DIS3L: variants seen among roughly 807,000 people sequenced by gnomAD.
DIS3L encodes DIS3 like exosome 3'-5' exoribonuclease.
Under a neutral mutation model 120.3 loss-of-function variants are expected in DIS3L, and 100 were observed. The ratio of observed to expected loss-of-function variants is 0.83; its 90% CI spans 0.71 to 0.98. The LOEUF (loss-of-function observed/expected upper bound fraction) is 0.98. Ranked by LOEUF, DIS3L falls within the 50% of genes least tolerant of loss-of-function variation. The pLI is 0.00. For synonymous variants in DIS3L, 426 were observed against 470.6 expected (o/e 0.91, Z 1.23); for missense variants, 1,196 against 1,314.2 (o/e 0.91, Z 1.39).
rs773408320 is a variant in DIS3L, at chr15:66,328,986, G to T, written c.2218G>T (p.Ala740Ser). Reference protein sequence around the residue: ...FIDTRSNKTLADSLDNANDPH... With the variant: ...FIDTRSNKTLSDSLDNANDPH... The stretch of plus-strand genomic sequence containing the variant: ...CTTTGTCAGGTCCAATAAAACACTG[G>T]CTGATTCTCTGGATAATGCGAACGA... Residue 740 changes from alanine (A) to serine (S), a missense_variant, in exon 13 of 17, where the codon GCT becomes TCT. Ala to Ser is a moderately conservative substitution (Grantham distance 99, BLOSUM62 1). Coordinates refer to ENST00000319212, the MANE Select transcript of DIS3L (RefSeq NM_001143688.3). 8 of 1,612,356 alleles carry T rather than the reference G, an allele frequency of 5.0e-6. No homozygotes were observed. Among genetic ancestry groups the T allele is most frequent in the Admixed American group, 1.7e-5 (1 of 59,264 alleles).
At chr15:66,327,996 G>A (rs2092956792) in intron 12 of DIS3L, among the ~76,000 whole-genome samples, 1 of 152,206 alleles carries the variant, frequency 6.6e-6, no homozygotes, top group Non-Finnish European at 1.5e-5. Flanking sequence ...AAGTTGCAGT[G>A]AGCCAAGATT....
At chr15:66,319,840 C>A (rs538351510) in intron 8 of DIS3L, among the ~76,000 whole-genome samples, 1 of 151,656 alleles carries the variant, frequency 6.6e-6, no homozygotes, top group African/African-American at 2.4e-5. Context: ...AGAGACCAGG[C>A]GCAGTGGCTC....
intron 7 of DIS3L, among the ~76,000 whole-genome samples, chr15:66,317,693 T>G (rs891467532): frequency 6.6e-6 from 1 of 152,122 alleles, no homozygotes; most frequent in African/African-American, 2.4e-5. Flanking sequence ...GTTACCCATC[T>G]TTGCTGGGTA....
intron 2 of DIS3L, among the ~76,000 whole-genome samples, chr15:66,300,182 A>C (rs1595715026): frequency 6.6e-6 from 1 of 152,254 alleles, no homozygotes; most frequent in African/African-American, 2.4e-5. Flanking sequence ...AATGTGGACT[A>C]TCCATACAGG....
chr15:66,330,150 A>C (rs1036884399), intron 14 of DIS3L: 7 of 897,030 alleles, frequency 7.8e-6, no homozygotes, highest in Middle Eastern at 5.8e-4. Context: ...AAAATACAAA[A>C]AATTAGCATG....
intron 10 of DIS3L, 54 bp from the exon 11 acceptor site, chr15:66,323,439 C>T: frequency 6.3e-7 from 1 of 1,579,212 alleles, no homozygotes; most frequent in Non-Finnish European, 8.7e-7. Context: ...ACACAGTCAG[C>T]AGTTCTGCTT....
At chr15:66,299,502 C>T (rs1475808551) in intron 2 of DIS3L, among the ~76,000 whole-genome samples, 1 of 149,040 alleles carries the variant, frequency 6.7e-6, no homozygotes, top group Non-Finnish European at 1.5e-5. Context: ...GCCACGATCA[C>T]GCCGTTGCAC....
In DIS3L at chr15:66,311,710, T is replaced by A. The variant is rs1236936554; in HGVS notation, c.559-14T>A. 2 of 1,613,470 alleles carry A rather than the reference T, an allele frequency of 1.2e-6. No homozygotes were observed. The highest frequency in any genetic ancestry group is 1.7e-6 in the Non-Finnish European group (2 of 1,179,882). On this transcript the variant is annotated splice_polypyrimidine_tract_variant and intron_variant, in intron 4 of 16. Transcript: ENST00000319212. Reference sequence around the variant, plus strand: ...CCTTCTGACCGTGTTTCTCTGTGCCTTTATTAAATACAGAATTACCTGGAC... The same window carrying A: ...CCTTCTGACCGTGTTTCTCTGTGCCATTATTAAATACAGAATTACCTGGAC...
intron 11 of DIS3L, among the ~76,000 whole-genome samples, chr15:66,323,806 C>G (rs187410580): frequency 2.0e-5 from 3 of 152,228 alleles, no homozygotes; most frequent in Non-Finnish European, 4.4e-5. Context: ...TCTCTTCTGT[C>G]TGCTAGCAGT....
intron 6 of DIS3L, among the ~76,000 whole-genome samples, chr15:66,314,565 C>G (rs2092798193): frequency 1.3e-5 from 2 of 152,170 alleles, no homozygotes; most frequent in African/African-American, 4.8e-5. Flanking sequence ...AGAAACCCTG[C>G]TAGTCAAAGG....
At chr15:66,319,010 CT>C in intron 8 of DIS3L, among the ~76,000 whole-genome samples, 1 of 152,270 alleles carries the variant, frequency 6.6e-6, no homozygotes. Flanking sequence ...CCAGGCTGGT[CT>C]CAAACTCCTG....
At chr15:66,313,927 TAAAAG>T in intron 5 of DIS3L, 107 bp from the exon 6 acceptor site, 5 of 760,432 alleles carry the variant, frequency 6.6e-6, no homozygotes, top group Non-Finnish European at 1.0e-5. Context: ...TCACAAACCT[TAAAAG>T]AATATTATGG....
chr15:66,325,859 G>C lies in DIS3L; in HGVS notation c.1696G>C (p.Asp566His). ...TGCTGTAAGCATCATGTGGGAACTG[G>C]ATAAAGCCTCTTATGAAATTAAGAA... ...RYAVSIMWEL[D>H]KASYEIKKVW... is the part of the protein sequence containing the mutation. The change falls in exon 12 of 17, where the codon GAT (aspartate) becomes CAT (histidine). Residue 566 changes from aspartate (D) to histidine (H), a missense_variant. Physicochemically the swap from Asp to His is moderately conservative, Grantham distance 81. Coordinates refer to ENST00000319212, the MANE Select transcript of DIS3L (RefSeq NM_001143688.3). 2 of 1,611,782 alleles carry C rather than the reference G, an allele frequency of 1.2e-6. No homozygotes were observed. The highest frequency in any genetic ancestry group is 1.7e-6 in the Non-Finnish European group (2 of 1,177,950).
In DIS3L at chr15:66,326,515, C is replaced by G. The variant is rs2092939949; in HGVS notation, c.2201+151C>G. 3 of 878,362 alleles carry G rather than the reference C, an allele frequency of 3.4e-6. No individual in the cohort carries two copies. The South Asian group carries it at 5.5e-5, about 16-fold the overall frequency. The allele number at this position is 878,362 out of a possible 1,614,324, so 54.4% of individuals were successfully genotyped here. On this transcript the variant is annotated intron_variant, in intron 12 of 16. Transcript: ENST00000319212. Reference sequence around the variant, plus strand: ...CTCATTTTTGAAGACACATTTTTCCCTCTTCATTGTTATGTATAGAGACTT... The same window carrying G: ...CTCATTTTTGAAGACACATTTTTCCGTCTTCATTGTTATGTATAGAGACTT...
Position 66,329,036 on chromosome 15 carries a change from G to C in DIS3L, c.2268G>C (p.Arg756Ser). The C allele has an allele frequency of 6.2e-7, 1 of 1,614,196 alleles. No individual in the cohort carries two copies. The highest frequency in any genetic ancestry group is 8.5e-7 in the Non-Finnish European group (1 of 1,180,040). Reference protein sequence around the residue: ...ANDPHDPIVNRLLRSMATQAM... With the variant: ...ANDPHDPIVNSLLRSMATQAM... ...ACCCCCACGATCCCATTGTGAACAGGCTACTGCGCTCCATGGCCACGCAGG... is the reference window on the plus strand; with the variant it reads ...ACCCCCACGATCCCATTGTGAACAGCCTACTGCGCTCCATGGCCACGCAGG... Residue 756 changes from arginine to serine, a missense_variant, in exon 13 of 17, where the codon AGG becomes AGC. By Grantham distance (110) the Arg-to-Ser change is moderately radical. Transcript: ENST00000319212.
At chr15:66,307,236 A>G (rs1258043836) in intron 3 of DIS3L, among the ~76,000 whole-genome samples, 1 of 152,170 alleles carries the variant, frequency 6.6e-6, no homozygotes, top group African/African-American at 2.4e-5. Flanking sequence ...ACTAGAAGTC[A>G]TAACTTTAAT....
intron 3 of DIS3L, among the ~76,000 whole-genome samples, chr15:66,308,408 T>G (rs1319123743): frequency 6.6e-6 from 1 of 152,156 alleles, no homozygotes; most frequent in East Asian, 1.9e-4. Flanking sequence ...GCTGCCCCAG[T>G]TAAATGGTGT....
At chr15:66,324,248 ATC>A (rs907141498) in intron 11 of DIS3L, among the ~76,000 whole-genome samples, 2 of 152,366 alleles carry the variant, frequency 1.3e-5, no homozygotes, top group East Asian at 3.8e-4. Flanking sequence ...CAGTTGCACT[ATC>A]TATGGAAATT....
Position 66,333,036 on chromosome 15 carries a change from T to A in DIS3L, c.2889T>A (p.His963Gln). 1 of 1,613,160 alleles carries A rather than the reference T, an allele frequency of 6.2e-7. No homozygotes were observed. The change falls in exon 17 of 17, where the codon CAT becomes CAA. Residue 963 changes from histidine to glutamine, a missense_variant. Coordinates refer to ENST00000319212, the MANE Select transcript of DIS3L (RefSeq NM_001143688.3). The part of the protein sequence containing the change: ...VRISIQASRC[H>Q]SDTIRLEIIS... The stretch of plus-strand genomic sequence containing the variant: ...TATCCATACAGGCCTCACGTTGCCA[T>A]TCTGATACAATCAGACTTGAAATAA...
Sources: allele counts gnomAD v4.1 joint callset (sites outside exome capture counted in the v4.1 genomes callset), GRCh38; gene constraint gnomAD v4.1.1; transcripts MANE v1.5; gene names NCBI Gene and HGNC (gene_info 2026-07-23, HGNC 2026-07-21).